The following ADGRL2 variants were observed in gnomAD, a reference collection of about 807,000 sequenced individuals.
The protein encoded by ADGRL2 is calcium-independent alpha-latrotoxin receptor 2.
Under a neutral mutation model 157.4 loss-of-function variants are expected in ADGRL2, and 44 were observed. That is an observed-to-expected ratio of 0.28 (90% CI 0.22 to 0.36). The LOEUF is 0.36. ADGRL2 is among the 10% of genes least tolerant of loss of function. ADGRL2 has a pLI of 1.00. For missense variants in ADGRL2, 1,510 were observed against 1,768.9 expected (o/e 0.85, Z 2.63); for synonymous variants, 585 against 624.7 (o/e 0.94, Z 0.95).
chr1:81,989,472 G>A (rs545739540), intron 23 of ADGRL2, among the ~76,000 whole-genome samples: 7 of 151,970 alleles, frequency 4.6e-5, no homozygotes, highest in African/African-American at 1.7e-4. Flanking sequence ...AGAAGCCTGG[G>A]GCCATTGCTA....
Position 81,922,391 on chromosome 1 carries a change from A to G in ADGRL2, c.288-14337A>G, listed in dbSNP as rs193132662. ...GATCTTTCAAAGATTGTGTTTATAT[A>G]TATCTCAAAAATTATGAAAATAGTC... On this transcript the variant is annotated intron_variant, in intron 3 of 23. Transcript: ENST00000686636. Among the ~76,000 whole-genome samples, 569 of 152,260 alleles carry G rather than the reference A, an allele frequency of 3.7e-3. 3 individuals are homozygous for G. The highest frequency in any genetic ancestry group is 6.8e-3 in the Middle Eastern group (2 of 294).
At chr1:81,486,082 G>C (rs2078494093) in intron 2 of ADGRL2, among the ~76,000 whole-genome samples, 1 of 152,252 alleles carries the variant, frequency 6.6e-6, no homozygotes, top group African/African-American at 2.4e-5. Context: ...ATCCACAAAA[G>C]GAAGGGATTG....
chr1:81,571,470 G>A (rs1324450107), intron 2 of ADGRL2, among the ~76,000 whole-genome samples: 2 of 148,486 alleles, frequency 1.3e-5, no homozygotes. Context: ...TATATGGTAG[G>A]CCAGATTCAG....
intron 2 of ADGRL2, among the ~76,000 whole-genome samples, chr1:81,839,841 G>GTTTTCCATCATATATATA (rs2092468797): frequency 2.1e-5 from 2 of 95,952 alleles, no homozygotes; most frequent in Non-Finnish European, 4.5e-5. Flanking sequence ...ATATATATAT[G>GTTTTCCATCATATATATA]TTTTCCATCA....
At position 81,943,068 on chromosome 1, in the gene ADGRL2, C is replaced by T. The variant is rs1299230639; in HGVS notation, c.509C>T (p.Ala170Val). 1 of 1,613,162 alleles carries T rather than the reference C, an allele frequency of 6.2e-7. No homozygotes were observed. Among genetic ancestry groups the T allele is most frequent in the South Asian group, 1.1e-5 (1 of 91,074 alleles). ...GCTTGGTGCAAGGACCCTCTTCAGG[C>T]TGCAGATAAAATTTATTTCATGCCC... Reference protein sequence around the residue: ...AGAWCKDPLQAADKIYFMPWT... With the variant: ...AGAWCKDPLQVADKIYFMPWT... Residue 170 changes from alanine to valine, a missense_variant, in exon 6 of 24, where the codon GCT becomes GTT. By Grantham distance (64) the Ala-to-Val change is moderately conservative (BLOSUM62 0). Coordinates refer to ENST00000686636, the MANE Select transcript of ADGRL2 (RefSeq NM_001366006.2). This position sits in a 1 kb window ranked among gnomAD's most constrained non-coding sequence, Gnocchi z 5.6.
At chr1:81,498,380 G>A (rs1046851433) in intron 2 of ADGRL2, among the ~76,000 whole-genome samples, 6 of 151,922 alleles carry the variant, frequency 3.9e-5, no homozygotes, top group Admixed American at 2.6e-4. Context: ...TTTTATTACC[G>A]CTGGTTAAAA....
At chr1:81,393,993 T>G (rs2101157210) in intron 1 of ADGRL2, among the ~76,000 whole-genome samples, 1 of 152,150 alleles carries the variant, frequency 6.6e-6, no homozygotes, top group African/African-American at 2.4e-5. Flanking sequence ...ATATAAAACA[T>G]TTTCACTTCT....
intron 2 of ADGRL2, among the ~76,000 whole-genome samples, chr1:81,457,104 A>G (rs2077823674): frequency 6.6e-6 from 1 of 152,206 alleles, no homozygotes; most frequent in Non-Finnish European, 1.5e-5. Flanking sequence ...CTTTACAAGA[A>G]AGATGTAAAA....
In ADGRL2 at chr1:81,560,483, G is replaced by A. The variant is rs554814327; in HGVS notation, c.-247-20393G>A. Among the ~76,000 whole-genome samples the A allele has an allele frequency of 1.9e-4, 29 of 152,278 alleles. No individual in the cohort carries two copies. The South Asian group carries it at 5.8e-3, about 30-fold the overall frequency. On this transcript the variant is annotated intron_variant, in intron 2 of 24. Transcript: ENST00000370721. Reference sequence around the variant, plus strand: ...CCTAGAGCATCGTATTCCACAGTCAGCGTCCAATAGGCAACAGCCTCTATT... The same window carrying A: ...CCTAGAGCATCGTATTCCACAGTCAACGTCCAATAGGCAACAGCCTCTATT...
At chr1:81,900,376 C>T (rs2094464373) in intron 2 of ADGRL2, among the ~76,000 whole-genome samples, 1 of 152,152 alleles carries the variant, frequency 6.6e-6, no homozygotes, top group Admixed American at 6.5e-5. Context: ...GCAATCCCTC[C>T]ATCTCTTACT....
intron 2 of ADGRL2, among the ~76,000 whole-genome samples, chr1:81,504,711 G>C (rs534239379): frequency 1.3e-5 from 2 of 152,202 alleles, no homozygotes; most frequent in Admixed American, 1.3e-4. Context: ...CCCTGAAACC[G>C]TACCAGTTCT....
intron 2 of ADGRL2, among the ~76,000 whole-genome samples, chr1:81,791,611 G>A (rs1360818349): frequency 4.0e-5 from 6 of 151,694 alleles, no homozygotes; most frequent in African/African-American, 7.3e-5. Context: ...GAAAAAAAAC[G>A]GGATGGAATT....
In ADGRL2 at chr1:81,966,405, G is replaced by T. The variant is rs770182226; in HGVS notation, c.2145G>T (p.Gly715=). Residue 715 remains glycine (G), a splice_region_variant and synonymous_variant, in exon 13 of 24, where the codon GGG becomes GGT. Transcript: ENST00000686636. ...ATGTGACTATTTTTACCTTCCTAGG[G>T]CTTGCAAAGTTGGTGTTCATCATTT... ...ANTVKQNSRN[G]LAKLVFIIYR... 1.9e-6 allele frequency: 3 copies of T among 1,613,746 alleles called. No homozygotes were observed.
chr1:81,956,205 T>G (rs889225957), intron 11 of ADGRL2, 145 bp downstream of exon 11: 5 of 590,422 alleles, frequency 8.5e-6, no homozygotes, highest in Non-Finnish European at 1.3e-5. Context: ...GAGAAATTAT[T>G]GACCACACTT....
intron 8 of ADGRL2, 124 bp downstream of exon 8, chr1:81,951,245 A>T (rs1651704271): frequency 6.6e-6 from 4 of 602,642 alleles, no homozygotes; most frequent in Non-Finnish European, 8.8e-6. Context: ...AAGTAAAAAA[A>T]AATTACGCAT....
chr1:81,778,321 C>CAA (rs35538546), intron 2 of ADGRL2, among the ~76,000 whole-genome samples: 99 of 136,432 alleles, frequency 7.3e-4, no homozygotes, highest in African/African-American at 2.3e-3. Flanking sequence ...GACTCCGTCT[C>CAA]AAAAAAAAAA....
chr1:81,798,984 A>C (rs2087731377), upstream of ADGRL2, among the ~76,000 whole-genome samples: 1 of 152,176 alleles, frequency 6.6e-6, no homozygotes, highest in Non-Finnish European at 1.5e-5. Context: ...ATTTTGGTAA[A>C]TGCAAGTTAC....
intron 17 of ADGRL2, 49 bp downstream of exon 17, chr1:81,971,967 T>C: frequency 8.3e-7 from 1 of 1,205,580 alleles, no homozygotes. Context: ...GCTTTAGCAG[T>C]GCTATTCAAA....
Position 81,594,264 on chromosome 1 carries a change from G to T in ADGRL2, c.-143+13284G>T, listed in dbSNP as rs376131852. On this transcript the variant is annotated intron_variant, in intron 3 of 24. Coordinates refer to the ADGRL2 transcript ENST00000370721. ...AGCAACCATGGAGATTTGGAAGAAA[G>T]ATCACAATTATTTGACGAGTGAAAC... Among the ~76,000 whole-genome samples the T allele has an allele frequency of 2.0e-5, 3 of 152,118 alleles. No individual in the cohort carries two copies. The East Asian group carries it at 5.8e-4, about 29-fold the overall frequency.
Sources: allele counts gnomAD v4.1 joint callset (sites outside exome capture counted in the v4.1 genomes callset), GRCh38; gene constraint gnomAD v4.1.1; non-coding constraint Gnocchi (gnomAD v3.1); transcripts MANE v1.5; gene names NCBI Gene and HGNC (gene_info 2026-07-23, HGNC 2026-07-21).